ADAM7: variants seen among roughly 807,000 people sequenced by gnomAD.
The protein encoded by ADAM7 is disintegrin and metalloproteinase domain-containing protein 7.
ADAM7 carries 97 observed loss-of-function variants against 102.9 expected under a neutral mutation model. That is an observed-to-expected ratio of 0.94 (90% CI 0.80 to 1.12). The LOEUF is 1.12. ADAM7 is among the 50% of genes most tolerant of loss of function. ADAM7 has a pLI of 0.00. For synonymous variants in ADAM7, 334 were observed against 304.4 expected (o/e 1.10, Z -1.01); for missense variants, 991 against 908.7 (o/e 1.09, Z -1.16).
intron 1 of ADAM7, 58 bp downstream of exon 1, chr8:24,441,218 T>C (rs1418977764): frequency 9.3e-6 from 14 of 1,508,442 alleles, no homozygotes; most frequent in African/African-American, 2.8e-5. Flanking sequence ...TGTGTCTCTT[T>C]AGTCACAAAC....
intron 2 of ADAM7, among the ~76,000 whole-genome samples, chr8:24,443,096 G>C (rs1457852802): frequency 6.6e-6 from 1 of 152,118 alleles, no homozygotes; most frequent in Non-Finnish European, 1.5e-5. Flanking sequence ...TATGTAAGAG[G>C]GAACAGGCTT....
chr8:24,506,146 A>G, intron 20 of ADAM7: 2 of 1,549,752 alleles, frequency 1.3e-6, no homozygotes, highest in Non-Finnish European at 1.7e-6. Context: ...AGTCCCCACT[A>G]CATCACACTG....
In ADAM7 at chr8:24,493,123, AG is replaced by A. The variant is rs1292851505; in HGVS notation, c.1738del (p.Asp580IlefsTer43). 6.2e-7 allele frequency: 1 copy of A among 1,613,440 alleles called. No homozygotes were observed. Among genetic ancestry groups the A allele is most frequent in the South Asian group, 1.1e-5 (1 of 90,960 alleles). ...GGAGAAGACAAGACTTATCACCTTA[AG>A]GATCCCCAGAAGAATGCTACTGTCA... ...LLGEDKTYHL[K>X]DPQKNATVKC... On this transcript the variant is annotated frameshift_variant, in exon 16 of 22. Coordinates refer to ENST00000175238, the MANE Select transcript of ADAM7 (RefSeq NM_003817.4). LOFTEE classifies it high-confidence loss of function.
At chr8:24,496,253 C>T (rs568751183) in intron 16 of ADAM7, among the ~76,000 whole-genome samples, 113 of 152,292 alleles carry the variant, frequency 7.4e-4, no homozygotes, top group African/African-American at 2.3e-3. Context: ...GGAACCTCAG[C>T]GTAGATTTCA....
At chr8:24,442,068 GGA>G (rs1187170567) in intron 1 of ADAM7, among the ~76,000 whole-genome samples, 1 of 152,174 alleles carries the variant, frequency 6.6e-6, no homozygotes, top group Non-Finnish European at 1.5e-5. Flanking sequence ...CAGCTACTTG[GGA>G]GGCTGAGGTG....
chr8:24,446,828 A>T (rs1175730073), intron 2 of ADAM7, among the ~76,000 whole-genome samples: 1 of 149,888 alleles, frequency 6.7e-6, no homozygotes, highest in Non-Finnish European at 1.5e-5. Flanking sequence ...ACTAGAAACT[A>T]TATATAATAT....
chr8:24,508,467 A>C (rs1311835915), intron 21 of ADAM7, 79 bp from the exon 22 acceptor site: 3 of 1,409,952 alleles, frequency 2.1e-6, no homozygotes, highest in Non-Finnish European at 3.0e-6. Context: ...TAATTAGTAG[A>C]TATAAATGAG....
intron 2 of ADAM7, among the ~76,000 whole-genome samples, chr8:24,442,953 A>G (rs1818424605): frequency 6.6e-6 from 1 of 152,188 alleles, no homozygotes; most frequent in Admixed American, 6.5e-5. Context: ...AAGATGTGCA[A>G]CTTTCAGAGG....
At chr8:24,503,184 C>A (rs1046036693) in intron 20 of ADAM7, among the ~76,000 whole-genome samples, 1 of 152,144 alleles carries the variant, frequency 6.6e-6, no homozygotes, top group African/African-American at 2.4e-5. Context: ...AAAATTATGT[C>A]TATTCCTGAG....
Position 24,468,590 on chromosome 8 carries a change from A to G in ADAM7, c.580-177A>G, listed in dbSNP as rs565953556. Among the ~76,000 whole-genome samples, 4 of 152,284 alleles carry G rather than the reference A, an allele frequency of 2.6e-5. No homozygotes were observed. In the South Asian group the frequency reaches 8.3e-4, roughly 32 times the overall value. ...TCCGATGTATAGGACCCCATGTTTA[A>G]TCGTATAGATCTCATTTAGATAAAT... On this transcript the variant is annotated intron_variant, in intron 6 of 21. Transcript: ENST00000175238.
At chr8:24,464,454 T>C (rs1183003226) in intron 4 of ADAM7, among the ~76,000 whole-genome samples, 1 of 152,198 alleles carries the variant, frequency 6.6e-6, no homozygotes, top group Non-Finnish European at 1.5e-5. Flanking sequence ...TTCCATTAAT[T>C]TTAATAAAAT....
At chr8:24,465,622 C>A in intron 4 of ADAM7, 77 bp from the exon 5 acceptor site, 2 of 818,384 alleles carry the variant, frequency 2.4e-6, no homozygotes, top group Non-Finnish European at 3.5e-6. Flanking sequence ...ATATTCTGAA[C>A]AGAAAATATT....
At chr8:24,499,362 T>C in intron 17 of ADAM7, 46 bp downstream of exon 17, 2 of 1,457,576 alleles carry the variant, frequency 1.4e-6, no homozygotes, top group South Asian at 1.2e-5. Flanking sequence ...CAGCCATATA[T>C]TTACTTTATT....
At position 24,455,529 on chromosome 8, in the gene ADAM7, C is replaced by A. The variant is rs528948418; in HGVS notation, c.233+8267C>A. 2.0e-5 allele frequency among the ~76,000 whole-genome samples: 3 copies of A among 152,314 alleles called. No individual in the cohort carries two copies. The East Asian group carries it at 5.8e-4, about 29-fold the overall frequency. On this transcript the variant is annotated intron_variant, in intron 3 of 21. Transcript: ENST00000175238. ...GCTCAGGTGATCCTCCCACCTCAGC[C>A]TCTCAACTAGCTGGAACTACAGGCA...
At chr8:24,472,071 C>A (rs1233989927) in intron 7 of ADAM7, among the ~76,000 whole-genome samples, 4 of 111,742 alleles carry the variant, frequency 3.6e-5, no homozygotes, top group South Asian at 2.9e-4. Context: ...AAAAGAGCAC[C>A]AAAAGGATAC....
chr8:24,457,059 G>C (rs2129378116), intron 3 of ADAM7, among the ~76,000 whole-genome samples: 1 of 152,180 alleles, frequency 6.6e-6, no homozygotes, highest in South Asian at 2.1e-4. Flanking sequence ...TCAAATTTTA[G>C]TAACTACCAG....
At position 24,458,970 on chromosome 8, in the gene ADAM7, T is replaced by C. The variant is rs1004309667; in HGVS notation, c.234-4912T>C. On this transcript the variant is annotated intron_variant, in intron 3 of 21. Transcript: ENST00000175238. The stretch of plus-strand genomic sequence containing the variant: ...CTTATTAAGGGTTTTTGAAATTATG[T>C]TACTGATGGCTATTCTGTGTTTTTA... Among the ~76,000 whole-genome samples, 3 of 152,054 alleles carry C rather than the reference T, an allele frequency of 2.0e-5. No individual in the cohort carries two copies. The South Asian group carries it at 6.2e-4, about 32-fold the overall frequency.
chr8:24,503,104 A>C (rs2038720339), intron 20 of ADAM7, among the ~76,000 whole-genome samples: 1 of 152,094 alleles, frequency 6.6e-6, no homozygotes, highest in Non-Finnish European at 1.5e-5. Flanking sequence ...AATGAGGCTA[A>C]CTTACTGTAT....
intron 16 of ADAM7, among the ~76,000 whole-genome samples, chr8:24,496,140 G>T (rs546776375): frequency 1.3e-5 from 2 of 152,210 alleles, no homozygotes; most frequent in Non-Finnish European, 2.9e-5. Context: ...AGGCTCCAAG[G>T]TACAGCTTGG....
Sources: gnomAD v4.1 joint callset for allele counts (sites outside exome capture counted in the v4.1 genomes callset) on GRCh38, gnomAD v4.1.1 for gene constraint, MANE v1.5 for transcripts, NCBI Gene and HGNC (gene_info 2026-07-23, HGNC 2026-07-21) for gene names.